MYO5B: variants seen among roughly 807,000 people sequenced by gnomAD.
MYO5B encodes the protein unconventional myosin-Vb.
MYO5B carries 143 observed loss-of-function variants against 229.3 expected under a neutral mutation model. The observed-to-expected ratio is 0.62, with a 90% CI of 0.54 to 0.72. The LOEUF is 0.72. Ranked by LOEUF, MYO5B falls within the 30% of genes least tolerant of loss-of-function variation. The pLI is 0.00. For missense variants in MYO5B, 2,321 were observed against 2,331.0 expected, an observed-to-expected ratio of 1.00 and a Z score of 0.09; for synonymous variants, 918 against 885.2, an observed-to-expected ratio of 1.04 and a Z score of -0.66.
chr18:49,975,825 T>G (rs922543626), intron 9 of MYO5B, among the ~76,000 whole-genome samples: 1 of 152,128 alleles, frequency 6.6e-6, no homozygotes, highest in African/African-American at 2.4e-5. Context: ...TCCTGCCCGA[T>G]GTATCTCCTG....
chr18:50,046,848 CT>C (rs750988192), intron 2 of MYO5B, among the ~76,000 whole-genome samples: 38 of 152,166 alleles, frequency 2.5e-4, no homozygotes, highest in Non-Finnish European at 4.4e-5. Context: ...AAAGGATTCC[CT>C]ATTTAATAAA....
chr18:49,843,437 G>T (rs754530961), intron 33 of MYO5B, 45 bp from the exon 34 acceptor site: 1 of 1,603,502 alleles, frequency 6.2e-7, no homozygotes, highest in South Asian at 1.1e-5. Context: ...ATCTATGGGG[G>T]ACAATGGAGG....
At chr18:50,000,328 T>A (rs930835577) in intron 5 of MYO5B, among the ~76,000 whole-genome samples, 5 of 152,180 alleles carry the variant, frequency 3.3e-5, no homozygotes, top group Admixed American at 2.0e-4. Flanking sequence ...TTCTTACTAT[T>A]GTAGGTGTGA....
chr18:49,854,652 G>A lies in MYO5B; in HGVS notation c.4023-1005C>T, dbSNP rs1370880522. Reference sequence around the variant, plus strand: ...AAAAATCCACCCCAGTGTCTTCCAGGAATGCACATAACAATTATGACCAAG... The same window carrying A: ...AAAAATCCACCCCAGTGTCTTCCAGAAATGCACATAACAATTATGACCAAG... On this transcript the variant is annotated intron_variant, in intron 30 of 39. Transcript: ENST00000285039. 2.6e-5 allele frequency among the ~76,000 whole-genome samples: 4 copies of A among 152,308 alleles called. No homozygotes were observed. In the East Asian group the frequency reaches 7.7e-4, roughly 29 times the overall value.
At chr18:50,157,441 C>G (rs2032698436) in intron 1 of MYO5B, among the ~76,000 whole-genome samples, 1 of 152,112 alleles carries the variant, frequency 6.6e-6, no homozygotes. Context: ...GGGTCTCTTT[C>G]CAACCTCTCT....
chr18:49,916,286 G>A (rs543295326), intron 17 of MYO5B, among the ~76,000 whole-genome samples: 2 of 152,218 alleles, frequency 1.3e-5, no homozygotes, highest in African/African-American at 4.8e-5. Context: ...AGGAGCTGTG[G>A]CTGCAAAGAC....
At chr18:50,050,097 C>A (rs750774654) in intron 2 of MYO5B, among the ~76,000 whole-genome samples, 1 of 151,860 alleles carries the variant, frequency 6.6e-6, no homozygotes, top group Middle Eastern at 3.4e-3. Context: ...TGTGTGTGTA[C>A]AATATAACCA....
intron 1 of MYO5B, among the ~76,000 whole-genome samples, chr18:50,083,279 G>C (rs2144474139): frequency 6.6e-6 from 1 of 152,292 alleles, no homozygotes; most frequent in East Asian, 1.9e-4. Flanking sequence ...CCACCATTTA[G>C]AGTTTTTTAA....
At chr18:50,098,293 G>A (rs1319133447) in intron 1 of MYO5B, among the ~76,000 whole-genome samples, 1 of 152,032 alleles carries the variant, frequency 6.6e-6, no homozygotes, top group Non-Finnish European at 1.5e-5. Context: ...TAGGTGTATT[G>A]TTCCAATTGT....
intron 1 of MYO5B, among the ~76,000 whole-genome samples, chr18:50,072,929 G>C (rs1202394926): frequency 6.6e-6 from 1 of 152,108 alleles, no homozygotes; most frequent in Non-Finnish European, 1.5e-5. Context: ...GCAAGGAAAG[G>C]GCCCAACTAG....
chr18:49,861,590 C>G (rs1450329448), intron 29 of MYO5B, among the ~76,000 whole-genome samples: 1 of 152,236 alleles, frequency 6.6e-6, no homozygotes, highest in Non-Finnish European at 1.5e-5. Flanking sequence ...TTATACCTCT[C>G]TTGAAATAAA....
intron 1 of MYO5B, among the ~76,000 whole-genome samples, chr18:50,155,667 C>G (rs2032667353): frequency 6.6e-6 from 1 of 152,118 alleles, no homozygotes; most frequent in African/African-American, 2.4e-5. Context: ...AGAGTAGATG[C>G]AAAAAGGAAG....
chr18:49,846,794 A>G (rs1387799430), intron 33 of MYO5B, among the ~76,000 whole-genome samples: 1 of 152,148 alleles, frequency 6.6e-6, no homozygotes, highest in Non-Finnish European at 1.5e-5. Context: ...AGCTTCCATC[A>G]TTGCCAAAGC....
At chr18:50,156,994 C>G (rs538461779) in intron 1 of MYO5B, among the ~76,000 whole-genome samples, 1 of 152,340 alleles carries the variant, frequency 6.6e-6, no homozygotes, top group South Asian at 2.1e-4. Flanking sequence ...CACCCTCCCC[C>G]AGGTCATCCT....
intron 30 of MYO5B, among the ~76,000 whole-genome samples, chr18:49,855,250 G>A (rs2024248764): frequency 6.6e-6 from 1 of 152,158 alleles, no homozygotes; most frequent in Non-Finnish European, 1.5e-5. Flanking sequence ...TCTCCAGGTG[G>A]ACTGTAGCTG....
At chr18:50,156,876 T>C (rs1173685311) in intron 1 of MYO5B, among the ~76,000 whole-genome samples, 2 of 152,178 alleles carry the variant, frequency 1.3e-5, no homozygotes, top group Non-Finnish European at 2.9e-5. Flanking sequence ...AATGTACACA[T>C]GAAATCCATT....
At chr18:49,933,157 T>C (rs1046770072) in intron 16 of MYO5B, among the ~76,000 whole-genome samples, 6 of 152,138 alleles carry the variant, frequency 3.9e-5, no homozygotes, top group Admixed American at 3.3e-4. Context: ...TTCCCCAGGC[T>C]CAGCAGCATC....
chr18:50,012,220 C>T (rs1049899336), intron 4 of MYO5B, among the ~76,000 whole-genome samples: 2 of 152,192 alleles, frequency 1.3e-5, no homozygotes, highest in African/African-American at 4.8e-5. Context: ...TTAAGAAGCA[C>T]TGCTACAGAC....
chr18:49,894,411 A>C (rs936034740), intron 22 of MYO5B, among the ~76,000 whole-genome samples: 8 of 152,106 alleles, frequency 5.3e-5, no homozygotes, highest in Non-Finnish European at 8.8e-5. Context: ...CTATGCCCTG[A>C]TGCTCAGGTT....
Sources: gnomAD v4.1 joint callset for allele counts (sites outside exome capture counted in the v4.1 genomes callset) on GRCh38, gnomAD v4.1.1 for gene constraint, MANE v1.5 for transcripts, NCBI Gene and HGNC (gene_info 2026-07-23, HGNC 2026-07-21) for gene names.